TMEM50B: variants seen among roughly 807,000 people sequenced by gnomAD.
TMEM50B encodes transmembrane protein 50B, also known as HCV p7-trans-regulated protein 3.
A neutral mutation model predicts 23.4 loss-of-function variants in TMEM50B; 14 were observed. That is an observed-to-expected ratio of 0.60 (90% confidence interval 0.39 to 0.93). The LOEUF is 0.93. TMEM50B is among the 40% of genes least tolerant of loss of function. The pLI, the probability that TMEM50B is intolerant of heterozygous loss-of-function variation, is 0.00. For missense variants in TMEM50B, 159 were observed against 193.0 expected (o/e 0.82, Z 1.04); for synonymous variants, 64 against 62.3 (o/e 1.03, Z -0.13).
At chr21:33,465,505 T>C (rs1231633318) in intron 3 of TMEM50B, 96 bp from the exon 4 acceptor site, 8 of 899,596 alleles carry the variant, frequency 8.9e-6, no homozygotes, top group Non-Finnish European at 1.3e-5. Context: ...GATTATTTCA[T>C]AACTAAAATC....
rs143958020 is a variant in TMEM50B, at chr21:33,472,786, C to A, written c.-41-3860G>T. 5.4e-3 allele frequency among the ~76,000 whole-genome samples: 817 copies of A among 150,810 alleles called. 11 individuals are homozygous for A. The highest frequency in any genetic ancestry group is 0.019 in the African/African-American group (790 of 41,102). ...ACTTGGGAGGCTGAGGCAGGAGGAT[C>A]ACTTGAACCTGGGAGGCGGAGGTTG... On this transcript the variant is annotated intron_variant, in intron 1 of 6. Transcript: ENST00000542230.
chr21:33,435,882 CAAAAAA>C lies in TMEM50B; in HGVS notation c.*2121-3086_*2121-3081del, dbSNP rs35251279. Among the ~76,000 whole-genome samples, 428 of 48,256 alleles carry C rather than the reference CAAAAAA, an allele frequency of 8.9e-3. 3 individuals carry two copies. Among genetic ancestry groups the C allele is most frequent in the African/African-American group, 0.036 (373 of 10,242 alleles). 31.7% of individuals were successfully genotyped at this position (48,256 alleles called of 152,430 possible). On this transcript the variant is annotated intron_variant and NMD_transcript_variant, in intron 8 of 8. Coordinates refer to the TMEM50B transcript ENST00000420455. Reference sequence around the variant, plus strand: ...CTGGCAACAGAGCAAGACTCCGTCTCAAAAAAAAAAAAAAAAAAAAAAAAATTAGCC... The same window carrying C: ...CTGGCAACAGAGCAAGACTCCGTCTCAAAAAAAAAAAAAAAAAAATTAGCC...
At chr21:33,476,760 CAAAAAAA>C (rs10645412) in intron 1 of TMEM50B, among the ~76,000 whole-genome samples, 1 of 68,434 alleles carries the variant, frequency 1.5e-5, no homozygotes, top group Admixed American at 1.9e-4. Flanking sequence ...GACTCCATCT[CAAAAAAA>C]AAAAAAAAAA....
chr21:33,474,175 G>GT (rs1423899714), intron 1 of TMEM50B, among the ~76,000 whole-genome samples: 1 of 148,230 alleles, frequency 6.7e-6, no homozygotes, highest in Admixed American at 6.8e-5. Flanking sequence ...ACAAAGCTGT[G>GT]TTTTTTGGGG....
chr21:33,449,108 GTTCA>G (rs917191850), downstream of TMEM50B: 2 of 151,982 alleles, frequency 1.3e-5, no homozygotes, highest in African/African-American at 4.8e-5. Flanking sequence ...AATTTTTATG[GTTCA>G]TTTTCTCCAA....
intron 1 of TMEM50B, among the ~76,000 whole-genome samples, chr21:33,475,896 G>C (rs944475671): frequency 1.3e-5 from 2 of 152,072 alleles, no homozygotes; most frequent in African/African-American, 4.8e-5. Flanking sequence ...GGAGGTTGCA[G>C]TGAGCCAAGA....
At chr21:33,433,177 CGCCCGG>C (rs1555881939) in intron 8 of TMEM50B, among the ~76,000 whole-genome samples, 26 of 152,138 alleles carry the variant, frequency 1.7e-4, no homozygotes, top group Non-Finnish European at 2.2e-4. Flanking sequence ...GGAGCCACTG[CGCCCGG>C]CCACGCAGAC....
intron 4 of TMEM50B, chr21:33,465,089 A>C: frequency 5.3e-6 from 2 of 377,106 alleles, no homozygotes; most frequent in Non-Finnish European, 9.5e-6. Flanking sequence ...TTAGCACTGG[A>C]GTCCAAGATC....
At chr21:33,473,596 T>C (rs2084338795) in intron 1 of TMEM50B, among the ~76,000 whole-genome samples, 1 of 150,136 alleles carries the variant, frequency 6.7e-6, no homozygotes, top group African/African-American at 2.4e-5. Context: ...GGATCACTTG[T>C]GCCCAGAAGT....
intron 6 of TMEM50B, among the ~76,000 whole-genome samples, chr21:33,454,976 G>A (rs978156990): frequency 1.3e-5 from 2 of 152,056 alleles, no homozygotes; most frequent in Non-Finnish European, 2.9e-5. Flanking sequence ...AATTAGCTGG[G>A]TGTGGTGGTG....
At chr21:33,460,262 C>G in intron 5 of TMEM50B, 151 bp downstream of exon 5, 1 of 642,372 alleles carries the variant, frequency 1.6e-6, no homozygotes, top group Non-Finnish European at 2.8e-6. Context: ...TTCCCACTGA[C>G]AAGTTTTATT....
At chr21:33,472,551 A>T (rs1050187672) in intron 1 of TMEM50B, among the ~76,000 whole-genome samples, 1 of 151,938 alleles carries the variant, frequency 6.6e-6, no homozygotes, top group African/African-American at 2.4e-5. Context: ...GAAGAAGAAA[A>T]GACAGAATAA....
chr21:33,432,888 C>CT lies in TMEM50B; in HGVS notation c.*2121-87dup, dbSNP rs201322939. 21,308 of 1,302,212 alleles carry CT rather than the reference C, an allele frequency of 0.016. 95 individuals are homozygous for CT. Among genetic ancestry groups the CT allele is most frequent in the Non-Finnish European group, 0.018 (17,198 of 948,656 alleles). 80.7% of individuals were successfully genotyped at this position (1,302,212 alleles called of 1,614,324 possible). ...ATAGAAGAGGTACGTGTGCACACAT[C>CT]TCTTTTTTTTTTTTTGAGACAGGGT... On this transcript the variant is annotated intron_variant and NMD_transcript_variant, in intron 8 of 8. Coordinates refer to the TMEM50B transcript ENST00000420455.
rs570540802 is a variant in TMEM50B, at chr21:33,452,111, A to G, written c.432-1248T>C. Among the ~76,000 whole-genome samples the G allele has an allele frequency of 6.6e-5, 10 of 152,348 alleles. No homozygotes were observed. The East Asian group carries it at 1.3e-3, about 21-fold the overall frequency. On this transcript the variant is annotated intron_variant, in intron 6 of 6. Transcript: ENST00000542230. Reference sequence around the variant, plus strand: ...TTTAAGTGGATTCATCTACCACCACAAAGTGTTGAATCTGAACTTAATCTC... The same window carrying G: ...TTTAAGTGGATTCATCTACCACCACGAAGTGTTGAATCTGAACTTAATCTC...
At chr21:33,454,852 G>A (rs573446795) in intron 6 of TMEM50B, among the ~76,000 whole-genome samples, 17 of 152,126 alleles carry the variant, frequency 1.1e-4, no homozygotes, top group African/African-American at 3.9e-4. Context: ...CACTGGGTGT[G>A]GTGGCTATAA....
At chr21:33,438,616 G>A (rs1297380373) in intron 8 of TMEM50B, among the ~76,000 whole-genome samples, 2 of 152,100 alleles carry the variant, frequency 1.3e-5, no homozygotes, top group Non-Finnish European at 2.9e-5. Context: ...TGGCCAACAT[G>A]GTGAAAGCCT....
chr21:33,442,745 A>ACC, intron 7 of TMEM50B, among the ~76,000 whole-genome samples: 1 of 152,086 alleles, frequency 6.6e-6, no homozygotes, highest in African/African-American at 2.4e-5. Context: ...ACATGGAGAA[A>ACC]CCCCGTCTCT....
intron 8 of TMEM50B, among the ~76,000 whole-genome samples, chr21:33,433,563 A>G (rs977877611): frequency 2.0e-5 from 3 of 152,134 alleles, no homozygotes; most frequent in Admixed American, 2.0e-4. Context: ...AGAGTCATCA[A>G]ATCCATAAAG....
chr21:33,470,748 A>G (rs13047352), intron 1 of TMEM50B, among the ~76,000 whole-genome samples: 62,710 of 151,616 alleles, frequency 0.41, 15,010 homozygotes, highest in Non-Finnish European at 0.54. Context: ...AAATCAGCCA[A>G]TCATGGTAGC....
Sources: gnomAD v4.1 joint callset for allele counts (sites outside exome capture counted in the v4.1 genomes callset) on GRCh38, gnomAD v4.1.1 for gene constraint, MANE v1.5 for transcripts, NCBI Gene and HGNC (gene_info 2026-07-23, HGNC 2026-07-21) for gene names.